The following HLCS variants were observed in gnomAD, a reference collection of about 807,000 sequenced individuals.
HLCS encodes biotin--protein ligase.
In HLCS, 53 loss-of-function variants were observed where a neutral mutation model predicts 75.0. The observed-to-expected ratio is 0.71, with a 90% CI of 0.57 to 0.89. The LOEUF (loss-of-function observed/expected upper bound fraction) is 0.89, where lower values mean the gene tolerates loss of function less well. HLCS is among the 40% of genes least tolerant of loss of function. HLCS has a pLI of 0.00. For synonymous variants in HLCS, 431 were observed against 428.6 expected, an observed-to-expected ratio of 1.01 and a Z score of -0.07; for missense variants, 966 against 1,074.0, an observed-to-expected ratio of 0.90 and a Z score of 1.41.
Position 36,756,708 on chromosome 21 carries a change from C to G in HLCS, c.2284G>C (p.Asp762His). The G allele has an allele frequency of 6.2e-7, 1 of 1,614,056 alleles. No homozygotes were observed. The highest frequency in any genetic ancestry group is 1.3e-5 in the African/African-American group (1 of 75,000). ...TNSNPTICIN[D>H]LITEYNKQHK... ...TGTTTATTGTATTCTGTGATGAGGT[C>G]GTTGATGCAGATGGTAGGGTTACTG... The change falls in exon 10 of 11, where the codon GAC becomes CAC. Residue 762 changes from aspartate (D) to histidine (H), a missense_variant. Physicochemically the swap from Asp to His is moderately conservative, Grantham distance 81 (BLOSUM62 -1). Transcript: ENST00000674895.
chr21:36,767,127 T>C (rs1246212205), intron 7 of HLCS, 91 bp downstream of exon 7: 6 of 1,237,698 alleles, frequency 4.8e-6, no homozygotes, highest in Non-Finnish European at 7.2e-6. Flanking sequence ...CCCCAGATGA[T>C]CAGCACACAC....
rs1320109632 is a variant in HLCS at position 36,756,772 on chromosome 21, A to C, written c.2237-17T>G. On this transcript the variant is annotated splice_polypyrimidine_tract_variant and intron_variant, in intron 9 of 10. Coordinates refer to ENST00000674895, the MANE Select transcript of HLCS (RefSeq NM_001352514.2). ...ATCCACAGCCTGGACAAAAACAAACAATTGAGCAGCTCAGCCTGTTGATGG... is the reference window on the plus strand; with the variant it reads ...ATCCACAGCCTGGACAAAAACAAACCATTGAGCAGCTCAGCCTGTTGATGG... 5 of 1,613,978 alleles carry C rather than the reference A, an allele frequency of 3.1e-6. No homozygotes were observed. Among genetic ancestry groups the C allele is most frequent in the Non-Finnish European group, 4.2e-6 (5 of 1,180,016 alleles).
intron 6 of HLCS, among the ~76,000 whole-genome samples, chr21:36,883,787 T>C (rs1644088164): frequency 6.6e-6 from 1 of 152,204 alleles, no homozygotes; most frequent in Admixed American, 6.5e-5. Context: ...CCACCTGCTC[T>C]GACCTTCCCC....
intron 6 of HLCS, among the ~76,000 whole-genome samples, chr21:36,858,034 C>T (rs145609748): frequency 0.014 from 2,115 of 152,210 alleles, 55 homozygotes; most frequent in African/African-American, 0.048. Context: ...ATGATCCACC[C>T]GCCTCAACCT....
intron 4 of HLCS, among the ~76,000 whole-genome samples, chr21:36,932,041 G>T (rs2066671197): frequency 6.6e-6 from 1 of 152,170 alleles, no homozygotes; most frequent in African/African-American, 2.4e-5. Context: ...GCCCTGTGAT[G>T]GGAGGGCATC....
chr21:36,835,522 C>T (rs1331054095), intron 6 of HLCS, among the ~76,000 whole-genome samples: 2 of 152,258 alleles, frequency 1.3e-5, no homozygotes, highest in East Asian at 3.9e-4. Context: ...CCTGTAAATC[C>T]AAATATAGTT....
intron 6 of HLCS, among the ~76,000 whole-genome samples, chr21:36,805,745 G>A (rs1022256473): frequency 2.9e-4 from 44 of 152,282 alleles, no homozygotes; most frequent in African/African-American, 9.9e-4. Context: ...TCTGCACTGG[G>A]GACACCTAAC....
At chr21:36,891,378 G>C (rs568789073) in intron 6 of HLCS, among the ~76,000 whole-genome samples, 2 of 152,334 alleles carry the variant, frequency 1.3e-5, no homozygotes, top group Admixed American at 1.3e-4. Flanking sequence ...TCTATTTTCA[G>C]ATATCTGTTG....
At chr21:36,784,057 A>C (rs1052660152) in intron 6 of HLCS, among the ~76,000 whole-genome samples, 1 of 152,104 alleles carries the variant, frequency 6.6e-6, no homozygotes, top group Non-Finnish European at 1.5e-5. Context: ...CCTTTGACTG[A>C]GCACCCATCC....
At chr21:36,953,475 A>G (rs1252659170) in intron 2 of HLCS, among the ~76,000 whole-genome samples, 1 of 152,176 alleles carries the variant, frequency 6.6e-6, no homozygotes, top group Non-Finnish European at 1.5e-5. Flanking sequence ...TCCAAAGCAA[A>G]ACCACTGCCC....
Position 36,847,567 on chromosome 21 carries a change from A to T in HLCS, c.1892+49293T>A, listed in dbSNP as rs143875076. Among the ~76,000 whole-genome samples, 117 of 152,364 alleles carry T rather than the reference A, an allele frequency of 7.7e-4. 1 individual carries two copies. The highest frequency in any genetic ancestry group is 2.8e-3 in the African/African-American group (116 of 41,580). On this transcript the variant is annotated intron_variant, in intron 6 of 10. Transcript: ENST00000674895. Reference sequence around the variant, plus strand: ...TCAATTAAAAAAAGTTCTCCAAAGTAATTTTTATTTAAAGTTGCATATGAT... The same window carrying T: ...TCAATTAAAAAAAGTTCTCCAAAGTTATTTTTATTTAAAGTTGCATATGAT...
chr21:36,772,982 A>C (rs78780219), intron 6 of HLCS, among the ~76,000 whole-genome samples: 1 of 150,880 alleles, frequency 6.6e-6, no homozygotes, highest in Admixed American at 6.6e-5. Flanking sequence ...TCCATCTCAA[A>C]AAAAAAAAAA....
At chr21:36,930,170 T>C in intron 5 of HLCS, 81 bp downstream of exon 5, 1 of 1,262,840 alleles carries the variant, frequency 7.9e-7, no homozygotes, top group Non-Finnish European at 1.2e-6. Flanking sequence ...CCAACCAAAA[T>C]AAAACAATTA....
intron 1 of HLCS, among the ~76,000 whole-genome samples, chr21:36,988,507 A>G (rs928172176): frequency 2.6e-5 from 4 of 152,212 alleles, no homozygotes; most frequent in African/African-American, 7.2e-5. Context: ...CAATGCTGCA[A>G]TGAGTGACCT....
chr21:36,968,338 T>C (rs115578501), upstream of HLCS, among the ~76,000 whole-genome samples: 2,407 of 152,286 alleles, frequency 0.016, 56 homozygotes, highest in African/African-American at 0.054. Context: ...TCATCTGCTT[T>C]AATATAGCTG....
Position 36,781,756 on chromosome 21 carries a change from T to A in HLCS, c.1893-14471A>T, listed in dbSNP as rs958863081. ...CCTTTAGTACAATGCCAAACAGAGG[T>A]GGAGACAGTGGGCCTCCTTGCCATG... On this transcript the variant is annotated intron_variant, in intron 6 of 10. Coordinates refer to ENST00000674895, the MANE Select transcript of HLCS (RefSeq NM_001352514.2). 4.7e-4 allele frequency among the ~76,000 whole-genome samples: 72 copies of A among 152,144 alleles called. 1 individual carries two copies. The highest frequency in any genetic ancestry group is 1.7e-3 in the African/African-American group (70 of 41,398).
At chr21:36,777,860 T>C (rs1210893704) in intron 6 of HLCS, among the ~76,000 whole-genome samples, 1 of 152,250 alleles carries the variant, frequency 6.6e-6, no homozygotes, top group African/African-American at 2.4e-5. Context: ...TAAATTGCCT[T>C]TGTAATTAAT....
chr21:36,890,756 G>A (rs531086065), intron 6 of HLCS, among the ~76,000 whole-genome samples: 1 of 152,280 alleles, frequency 6.6e-6, no homozygotes, highest in South Asian at 2.1e-4. Flanking sequence ...CCTCCTAGAT[G>A]TGTAAACACC....
intron 6 of HLCS, among the ~76,000 whole-genome samples, chr21:36,791,774 C>G (rs1281955271): frequency 6.6e-6 from 1 of 152,048 alleles, no homozygotes; most frequent in Non-Finnish European, 1.5e-5. Flanking sequence ...CTCCAAGGGG[C>G]CTGTTTGCTG....
Sources: gnomAD v4.1 joint callset for allele counts (sites outside exome capture counted in the v4.1 genomes callset) on GRCh38, gnomAD v4.1.1 for gene constraint, MANE v1.5 for transcripts, NCBI Gene and HGNC (gene_info 2026-07-23, HGNC 2026-07-21) for gene names.